Variants in MCCC1 observed in about 807,000 individuals in gnomAD.
MCCC1 encodes the protein methylcrotonyl-CoA carboxylase subunit 1, also known as methylcrotonoyl-CoA carboxylase subunit alpha, mitochondrial.
A neutral mutation model predicts 83.8 loss-of-function variants in MCCC1; 64 were observed. The ratio of observed to expected loss-of-function variants is 0.76; its 90% CI spans 0.62 to 0.94. MCCC1 has a LOEUF of 0.94. Among genes scored for constraint, MCCC1 ranks in the 40% least tolerant of loss-of-function variants. MCCC1 has a pLI of 0.00. For missense variants in MCCC1, 807 were observed against 904.7 expected (o/e 0.89, Z 1.39); for synonymous variants, 322 against 315.4 (o/e 1.02, Z -0.22).
intron 1 of MCCC1, among the ~76,000 whole-genome samples, chr3:183,112,827 C>T (rs1275480270): frequency 6.6e-6 from 1 of 151,996 alleles, no homozygotes; most frequent in East Asian, 1.9e-4. Flanking sequence ...GTAATCTCAG[C>T]CCTTTGGGAG....
intron 14 of MCCC1, among the ~76,000 whole-genome samples, chr3:183,026,611 G>A (rs578057911): frequency 1.3e-5 from 2 of 152,276 alleles, no homozygotes; most frequent in African/African-American, 4.8e-5. Flanking sequence ...TCAGGGGGCT[G>A]AGGTAGGAGA....
chr3:183,035,293 A>G (rs1030765169), intron 13 of MCCC1, among the ~76,000 whole-genome samples: 2 of 152,202 alleles, frequency 1.3e-5, no homozygotes, highest in African/African-American at 4.8e-5. Context: ...CATTCAATGT[A>G]AAAGGATAAA....
chr3:183,041,512 A>G, intron 11 of MCCC1, 55 bp downstream of exon 11: 3 of 1,582,254 alleles, frequency 1.9e-6, no homozygotes, highest in Non-Finnish European at 2.6e-6. Context: ...GTCCAAAAAC[A>G]ATAATGTACT....
chr3:183,092,460 C>G lies in MCCC1; in HGVS notation c.222G>C (p.Gln74His), dbSNP rs1227361314. 2 of 1,614,234 alleles carry G rather than the reference C, an allele frequency of 1.2e-6. No homozygotes were observed. The highest frequency in any genetic ancestry group is 2.2e-5 in the East Asian group (1 of 44,890). Residue 74 changes from glutamine to histidine, a missense_variant, in exon 3 of 19, where the codon CAG becomes CAC. Physicochemically the swap from Gln to His is conservative, Grantham distance 24 (BLOSUM62 0). Coordinates refer to ENST00000265594, the MANE Select transcript of MCCC1 (RefSeq NM_020166.5). ...VMRTAKKLGV[Q>H]TVAVYSEADR... Reference sequence around the variant, plus strand: ...CAGCCTCACTATAAACCGCCACAGTCTGTACACCCAGTTTTTTGGCTGTGC... The same window carrying G: ...CAGCCTCACTATAAACCGCCACAGTGTGTACACCCAGTTTTTTGGCTGTGC...
At chr3:183,070,420 G>A (rs1360330426) in intron 7 of MCCC1, among the ~76,000 whole-genome samples, 3 of 152,198 alleles carry the variant, frequency 2.0e-5, no homozygotes, top group Non-Finnish European at 2.9e-5. Context: ...AGATGTCTGT[G>A]ATATAATATT....
chr3:183,049,836 G>A (rs1189431951), intron 9 of MCCC1, among the ~76,000 whole-genome samples: 1 of 152,190 alleles, frequency 6.6e-6, no homozygotes, highest in Non-Finnish European at 1.5e-5. Context: ...AGAGAACCTA[G>A]GGCCAGGTGC....
At chr3:183,046,631 C>T (rs991378773) in intron 9 of MCCC1, among the ~76,000 whole-genome samples, 1 of 152,066 alleles carries the variant, frequency 6.6e-6, no homozygotes, top group Non-Finnish European at 1.5e-5. Context: ...AACTCCTGAC[C>T]TCAAGTGATC....
At chr3:183,112,964 G>A (rs1381886788) in intron 1 of MCCC1, among the ~76,000 whole-genome samples, 5 of 151,810 alleles carry the variant, frequency 3.3e-5, no homozygotes, top group Non-Finnish European at 7.4e-5. Flanking sequence ...GGTGGCTCAC[G>A]CCTGTAATCT....
intron 4 of MCCC1, among the ~76,000 whole-genome samples, chr3:183,075,797 C>G (rs534903030): frequency 6.0e-4 from 91 of 151,668 alleles, no homozygotes; most frequent in African/African-American, 2.2e-3. Context: ...GCCTCGGCCT[C>G]CCAAAGTGTT....
At chr3:183,033,885 TA>T in intron 14 of MCCC1, 105 bp downstream of exon 14, 1 of 844,194 alleles carries the variant, frequency 1.2e-6, no homozygotes, top group Non-Finnish European at 2.0e-6. Context: ...CCTAGGCATT[TA>T]AAAAATGTAA....
At chr3:183,056,346 A>G (rs974026201) in intron 8 of MCCC1, among the ~76,000 whole-genome samples, 1 of 152,194 alleles carries the variant, frequency 6.6e-6, no homozygotes, top group African/African-American at 2.4e-5. Context: ...GGAAATAAAT[A>G]TTTATTGAAA....
rs962476138 is a variant in MCCC1, at chr3:183,092,481, T to C, written c.201A>G (p.Thr67=). Residue 67 remains threonine, a synonymous_variant, in exon 3 of 19, where the codon ACA becomes ACG. Coordinates refer to ENST00000265594, the MANE Select transcript of MCCC1 (RefSeq NM_020166.5). ...RGEIACRVMR[T]AKKLGVQTVA... ...CAGTCTGTACACCCAGTTTTTTGGC[T>C]GTGCGCATCACCCTGCAGGCAATTT... 5.6e-6 allele frequency: 9 copies of C among 1,614,240 alleles called. No homozygotes were observed. Among genetic ancestry groups the C allele is most frequent in the Non-Finnish European group, 6.8e-6 (8 of 1,180,042 alleles).
chr3:183,086,692 C>T lies in MCCC1; in HGVS notation c.369+1G>A. 6.2e-7 allele frequency: 1 copy of T among 1,613,022 alleles called. No individual in the cohort carries two copies. Among genetic ancestry groups the T allele is most frequent in the Non-Finnish European group, 8.5e-7 (1 of 1,179,024 alleles). On this transcript the variant is annotated splice_donor_variant, in intron 4 of 18. Coordinates refer to ENST00000265594, the MANE Select transcript of MCCC1 (RefSeq NM_020166.5). LOFTEE classifies it high-confidence loss of function. Reference sequence around the variant, plus strand: ...ACTGCAAATCTCTTCACAACCCTCACCTGTGCAGCAGAGGTCTTGGCCACT... The same window carrying T: ...ACTGCAAATCTCTTCACAACCCTCATCTGTGCAGCAGAGGTCTTGGCCACT...
chr3:183,050,440 A>T (rs1056708509), intron 9 of MCCC1, among the ~76,000 whole-genome samples: 1 of 150,412 alleles, frequency 6.6e-6, no homozygotes, highest in Non-Finnish European at 1.5e-5. Context: ...CGGTGGCTCA[A>T]GCCTGTAATT....
At chr3:183,039,875 T>C (rs566884287) in intron 11 of MCCC1, among the ~76,000 whole-genome samples, 1 of 151,950 alleles carries the variant, frequency 6.6e-6, no homozygotes, top group Admixed American at 6.6e-5. Flanking sequence ...GGTGGGCAGA[T>C]CACAAAGTCA....
intron 17 of MCCC1, among the ~76,000 whole-genome samples, chr3:183,018,001 G>A (rs1711823575): frequency 6.6e-6 from 1 of 151,698 alleles, no homozygotes; most frequent in African/African-American, 2.4e-5. Flanking sequence ...CAAATCAGAG[G>A]CCTACAGGTC....
chr3:183,103,926 C>T (rs568449001), upstream of MCCC1, among the ~76,000 whole-genome samples: 303 of 152,316 alleles, frequency 2.0e-3, no homozygotes, highest in Non-Finnish European at 3.1e-3. Flanking sequence ...AGAAATCCAG[C>T]GCAGCGCCGG....
chr3:183,101,495 G>A (rs937565438), upstream of MCCC1, among the ~76,000 whole-genome samples: 47 of 152,182 alleles, frequency 3.1e-4, no homozygotes, highest in Non-Finnish European at 2.6e-4. Context: ...GCTCTGGTGG[G>A]GCCTTGGAGA....
At chr3:183,080,731 C>T (rs1717425445) in intron 4 of MCCC1, among the ~76,000 whole-genome samples, 1 of 152,132 alleles carries the variant, frequency 6.6e-6, no homozygotes, top group South Asian at 2.1e-4. Flanking sequence ...AAGACATTAC[C>T]TGACACTGGG....
Sources: gnomAD v4.1 joint callset for allele counts (sites outside exome capture counted in the v4.1 genomes callset) on GRCh38, gnomAD v4.1.1 for gene constraint, MANE v1.5 for transcripts, NCBI Gene and HGNC (gene_info 2026-07-23, HGNC 2026-07-21) for gene names.